The following ERG variants were observed in gnomAD, a reference collection of about 807,000 sequenced individuals.
The protein encoded by ERG is ETS transcription factor ERG.
ERG carries 9 observed loss-of-function variants against 55.3 expected under a neutral mutation model. That is an observed-to-expected ratio of 0.16 (90% CI 0.10 to 0.28). ERG has a LOEUF of 0.28. Among genes scored for constraint, ERG ranks in the 10% least tolerant of loss-of-function variants. The pLI is 1.00. For synonymous variants in ERG, 223 were observed against 237.3 expected, an observed-to-expected ratio of 0.94 and a Z score of 0.55; for missense variants, 434 against 631.6, an observed-to-expected ratio of 0.69 and a Z score of 3.35.
intron 1 of ERG, among the ~76,000 whole-genome samples, chr21:38,457,876 C>T (rs950848266): frequency 3.9e-5 from 6 of 152,196 alleles, no homozygotes; most frequent in African/African-American, 7.2e-5. Context: ...CATGGGGCTA[C>T]GCCTACTTCA....
intron 2 of ERG, among the ~76,000 whole-genome samples, chr21:38,539,919 C>G (rs899455670): frequency 1.2e-4 from 15 of 124,512 alleles, no homozygotes; most frequent in African/African-American, 4.7e-4. Flanking sequence ...TTTTTTGAGA[C>G]AGAGTCTTGC....
chr21:38,558,449 T>C (rs1217215535), intron 2 of ERG, among the ~76,000 whole-genome samples: 1 of 152,224 alleles, frequency 6.6e-6, no homozygotes, highest in Non-Finnish European at 1.5e-5. Flanking sequence ...TCTCTCAAGG[T>C]CCTTGTCAGC....
chr21:38,497,421 G>T (rs1173914061), intron 1 of ERG, among the ~76,000 whole-genome samples: 1 of 152,160 alleles, frequency 6.6e-6, no homozygotes, highest in African/African-American at 2.4e-5. Context: ...CTCAGCATCT[G>T]CTTTTGTTGC....
At chr21:38,623,281 TACTC>T (rs1186945041) in intron 1 of ERG, among the ~76,000 whole-genome samples, 1 of 134,932 alleles carries the variant, frequency 7.4e-6, no homozygotes, top group East Asian at 2.4e-4. Context: ...ACACATCACA[TACTC>T]AACACTCCAC....
At chr21:38,606,319 C>T (rs926571937) in intron 1 of ERG, among the ~76,000 whole-genome samples, 5 of 152,058 alleles carry the variant, frequency 3.3e-5, no homozygotes, top group Non-Finnish European at 5.9e-5. Flanking sequence ...AGATGATAGA[C>T]AGATAGATAG....
intron 1 of ERG, among the ~76,000 whole-genome samples, chr21:38,451,620 C>T (rs929123098): frequency 6.6e-6 from 1 of 152,276 alleles, no homozygotes; most frequent in Admixed American, 6.5e-5. Flanking sequence ...CTCTTCAAGG[C>T]AGCACATATG....
intron 1 of ERG, among the ~76,000 whole-genome samples, chr21:38,631,938 C>A (rs2060359395): frequency 6.6e-6 from 1 of 152,016 alleles, no homozygotes; most frequent in African/African-American, 2.4e-5. Context: ...ACTCCATTAA[C>A]ATCATCATTC....
At chr21:38,561,454 CCTT>C (rs1262075567) in intron 2 of ERG, among the ~76,000 whole-genome samples, 2 of 150,194 alleles carry the variant, frequency 1.3e-5, no homozygotes, top group African/African-American at 4.9e-5. Flanking sequence ...TCTACACAAT[CCTT>C]TTTTTTTTTT....
At chr21:38,607,211 A>G (rs2186921) in intron 1 of ERG, among the ~76,000 whole-genome samples, 10,880 of 152,278 alleles carry the variant, frequency 0.071, 694 homozygotes, top group African/African-American at 0.17. Context: ...AAGAGTGAGT[A>G]TAAATTGAAG....
At chr21:38,615,550 T>C (rs2060253611) in intron 1 of ERG, among the ~76,000 whole-genome samples, 1 of 151,548 alleles carries the variant, frequency 6.6e-6, no homozygotes, top group Non-Finnish European at 1.5e-5. Flanking sequence ...CTCTGACATG[T>C]ACTAGTTTTG....
chr21:38,445,562 T>C lies in ERG; in HGVS notation c.78A>G (p.Pro26=). Residue 26 remains proline, a synonymous_variant, in exon 2 of 10, where the codon CCA becomes CCG. Coordinates refer to ENST00000288319, the MANE Select transcript of ERG (RefSeq NM_182918.4). ...QSLFECAYGT[P]HLAKTEMTAS... is the part of the protein sequence containing the mutation. ...CGGTCATCTCTGTCTTAGCCAGGTG[T>C]GGCGTTCCGTAGGCACACTCAAACA... 6.2e-7 allele frequency: 1 copy of C among 1,614,122 alleles called. No homozygotes were observed. The highest frequency in any genetic ancestry group is 8.5e-7 in the Non-Finnish European group (1 of 1,180,032).
chr21:38,550,162 A>C (rs1345741714), intron 2 of ERG, among the ~76,000 whole-genome samples: 1 of 152,104 alleles, frequency 6.6e-6, no homozygotes, highest in African/African-American at 2.4e-5. Context: ...AAACCTTTTG[A>C]CCTGGTTGCT....
At chr21:38,639,666 T>A (rs566777706) in intron 1 of ERG, among the ~76,000 whole-genome samples, 110 of 152,274 alleles carry the variant, frequency 7.2e-4, no homozygotes, top group African/African-American at 2.3e-3. Flanking sequence ...GAGAAAAACC[T>A]AAAACATTCA....
chr21:38,570,102 C>T (rs548294665), intron 2 of ERG, among the ~76,000 whole-genome samples: 1 of 152,336 alleles, frequency 6.6e-6, no homozygotes, highest in South Asian at 2.1e-4. Context: ...CTAGGCACAT[C>T]TTCAGCTTTA....
intron 1 of ERG, among the ~76,000 whole-genome samples, chr21:38,490,590 C>T (rs1273235647): frequency 2.0e-5 from 3 of 152,242 alleles, no homozygotes; most frequent in Non-Finnish European, 2.9e-5. Flanking sequence ...CGAGACCCCT[C>T]CCCGGTTTGA....
intron 2 of ERG, among the ~76,000 whole-genome samples, chr21:38,514,289 A>G (rs1487015965): frequency 6.6e-6 from 1 of 151,898 alleles, no homozygotes; most frequent in Admixed American, 6.5e-5. Context: ...GCTTGATACC[A>G]AAATGTAGCT....
chr21:38,501,359 G>A (rs985426145), upstream of ERG, among the ~76,000 whole-genome samples: 2 of 151,938 alleles, frequency 1.3e-5, no homozygotes, highest in African/African-American at 2.4e-5. Flanking sequence ...GAACCACCAC[G>A]CCCGGCCAAG....
Position 38,644,837 on chromosome 21 carries a change from T to C in ERG, c.-150+16821A>G, listed in dbSNP as rs1446982518. Reference sequence around the variant, plus strand: ...TACAGATGTGATCTTCATGCCATCATTGACCCCAGGTGGTAAGGATCATTA... The same window carrying C: ...TACAGATGTGATCTTCATGCCATCACTGACCCCAGGTGGTAAGGATCATTA... On this transcript the variant is annotated intron_variant, in intron 1 of 10. Transcript: ENST00000398910. 2.6e-5 allele frequency among the ~76,000 whole-genome samples: 4 copies of C among 152,158 alleles called. No homozygotes were observed. The South Asian group carries it at 6.2e-4, about 24-fold the overall frequency.
At chr21:38,435,248 G>A (rs1990394741) in intron 2 of ERG, among the ~76,000 whole-genome samples, 1 of 152,154 alleles carries the variant, frequency 6.6e-6, no homozygotes, top group Non-Finnish European at 1.5e-5. Flanking sequence ...CTAATCGACT[G>A]AGCAAGCTCC....
Sources: gnomAD v4.1 joint callset for allele counts (sites outside exome capture counted in the v4.1 genomes callset) on GRCh38, gnomAD v4.1.1 for gene constraint, MANE v1.5 for transcripts, NCBI Gene and HGNC (gene_info 2026-07-23, HGNC 2026-07-21) for gene names.